STXBP5L: variants seen among roughly 807,000 people sequenced by gnomAD.
STXBP5L encodes the protein syntaxin-binding protein 5-like.
A neutral mutation model predicts 144.5 loss-of-function variants in STXBP5L; 65 were observed. The ratio of observed to expected loss-of-function variants is 0.45; its 90% CI spans 0.37 to 0.55. The LOEUF is 0.55. STXBP5L is among the 20% of genes least tolerant of loss of function. STXBP5L has a pLI of 0.00. For synonymous variants in STXBP5L, 505 were observed against 469.6 expected, an observed-to-expected ratio of 1.08 and a Z score of -0.97; for missense variants, 1,298 against 1,405.5, an observed-to-expected ratio of 0.92 and a Z score of 1.22.
intron 5 of STXBP5L, among the ~76,000 whole-genome samples, chr3:121,078,596 G>T (rs2042123088): frequency 6.6e-6 from 1 of 152,232 alleles, no homozygotes; most frequent in Admixed American, 6.5e-5. Context: ...GTGCTCTTTG[G>T]GGAGGCTTGG....
intron 18 of STXBP5L, among the ~76,000 whole-genome samples, chr3:121,263,565 G>A (rs1479314490): frequency 6.6e-6 from 1 of 152,110 alleles, no homozygotes; most frequent in Non-Finnish European, 1.5e-5. Flanking sequence ...GGGAAGCTAA[G>A]AACCTTGAGA....
chr3:121,104,387 G>GA (rs1490643173), intron 5 of STXBP5L, among the ~76,000 whole-genome samples: 7 of 151,936 alleles, frequency 4.6e-5, no homozygotes, highest in Non-Finnish European at 1.0e-4. Context: ...CACAGAACTA[G>GA]AAAAAACAAT....
chr3:120,974,758 T>G (rs1198215990), intron 3 of STXBP5L, among the ~76,000 whole-genome samples: 2 of 152,206 alleles, frequency 1.3e-5, no homozygotes, highest in African/African-American at 4.8e-5. Flanking sequence ...GCTTTCTACA[T>G]ATGGCTAGCC....
rs191658682 is a variant in STXBP5L at position 121,075,148 on chromosome 3, C to A, written c.470+29613C>A. Among the ~76,000 whole-genome samples the A allele has an allele frequency of 3.0e-4, 45 of 152,284 alleles. No homozygotes were observed. In the South Asian group the frequency reaches 7.5e-3, roughly 25 times the overall value. ...ATTAAATCCATATCTGACTTCTGAACCCCTTGACTGGTGGCAGGGGGTTCT... is the reference window on the plus strand; with the variant it reads ...ATTAAATCCATATCTGACTTCTGAAACCCTTGACTGGTGGCAGGGGGTTCT... On this transcript the variant is annotated intron_variant, in intron 5 of 26. Transcript: ENST00000471454.
intron 3 of STXBP5L, among the ~76,000 whole-genome samples, chr3:121,000,794 T>C (rs1023224191): frequency 6.6e-6 from 1 of 152,188 alleles, no homozygotes; most frequent in Non-Finnish European, 1.5e-5. Flanking sequence ...TTTTTCTTTT[T>C]ATATTCTTTG....
chr3:121,022,431 T>A (rs555200735), intron 3 of STXBP5L, among the ~76,000 whole-genome samples: 16 of 151,732 alleles, frequency 1.1e-4, no homozygotes, highest in Admixed American at 7.9e-4. Context: ...AATCCTAATA[T>A]CAAAACCAAG....
At chr3:121,266,828 C>A (rs1468057264) in intron 18 of STXBP5L, among the ~76,000 whole-genome samples, 1 of 152,122 alleles carries the variant, frequency 6.6e-6, no homozygotes, top group Admixed American at 6.6e-5. Context: ...TCCTATACAA[C>A]AACAACAGAC....
At chr3:121,042,640 T>C (rs1337477431) in intron 4 of STXBP5L, among the ~76,000 whole-genome samples, 3 of 152,148 alleles carry the variant, frequency 2.0e-5, no homozygotes, top group Non-Finnish European at 4.4e-5. Flanking sequence ...TTTATCTTCC[T>C]AAGAACTTAC....
intron 5 of STXBP5L, among the ~76,000 whole-genome samples, chr3:121,050,339 T>C (rs1415501751): frequency 6.6e-6 from 1 of 152,090 alleles, no homozygotes; most frequent in African/African-American, 2.4e-5. Context: ...TTATTTTAGT[T>C]TAAAATAAGT....
At chr3:121,031,044 C>G (rs1186110175) in intron 3 of STXBP5L, among the ~76,000 whole-genome samples, 2 of 152,078 alleles carry the variant, frequency 1.3e-5, no homozygotes, top group Non-Finnish European at 2.9e-5. Flanking sequence ...TCTTCTCCCA[C>G]TGTATCTTTA....
At chr3:121,117,233 TG>T in intron 6 of STXBP5L, among the ~76,000 whole-genome samples, 1 of 59,980 alleles carries the variant, frequency 1.7e-5, no homozygotes, top group Non-Finnish European at 4.0e-5. Context: ...AATATACACA[TG>T]ATTCAGCATT....
At chr3:120,988,235 G>C (rs1277514747) in intron 3 of STXBP5L, among the ~76,000 whole-genome samples, 1 of 150,532 alleles carries the variant, frequency 6.6e-6, no homozygotes, top group East Asian at 1.9e-4. Flanking sequence ...TCTGTCTTTT[G>C]TAAGGTTTTA....
At chr3:120,948,840 G>A (rs764712078) in intron 2 of STXBP5L, among the ~76,000 whole-genome samples, 9 of 151,602 alleles carry the variant, frequency 5.9e-5, no homozygotes, top group Non-Finnish European at 1.2e-4. Flanking sequence ...ATTTTTCTGC[G>A]ATTGGAAATT....
At chr3:121,074,107 G>A (rs1262885380) in intron 5 of STXBP5L, among the ~76,000 whole-genome samples, 10 of 152,154 alleles carry the variant, frequency 6.6e-5, no homozygotes, top group African/African-American at 2.2e-4. Flanking sequence ...GGTCTGTCTA[G>A]TGCTTCCTCA....
intron 3 of STXBP5L, among the ~76,000 whole-genome samples, chr3:120,968,638 T>C (rs1344072144): frequency 6.6e-6 from 1 of 152,150 alleles, no homozygotes; most frequent in African/African-American, 2.4e-5. Flanking sequence ...AGTTTTTTAG[T>C]GGTGATTTCT....
intron 5 of STXBP5L, among the ~76,000 whole-genome samples, chr3:121,093,584 T>C (rs1317185370): frequency 6.6e-6 from 1 of 152,254 alleles, no homozygotes; most frequent in Non-Finnish European, 1.5e-5. Context: ...TATTCGCTGA[T>C]GGTAGTTTAT....
At chr3:121,095,111 G>C (rs1417957572) in intron 5 of STXBP5L, among the ~76,000 whole-genome samples, 1 of 152,084 alleles carries the variant, frequency 6.6e-6, no homozygotes, top group East Asian at 1.9e-4. Context: ...GTTGAATATT[G>C]GCCCCCAGTG....
rs373866764 is a variant in STXBP5L at position 121,279,794 on chromosome 3, T to C, written c.1959-11T>C. On this transcript the variant is annotated splice_polypyrimidine_tract_variant and intron_variant, in intron 18 of 26. Transcript: ENST00000471454. The stretch of plus-strand genomic sequence containing the variant: ...GTGATACATTCTAGTTGTATTTTTT[T>C]TCTCTCTTAGAGTTGCATTTGGGAA... The C allele has an allele frequency of 1.9e-5, 31 of 1,610,588 alleles. No homozygotes were observed. The African/African-American group carries it at 3.9e-4, about 20-fold the overall frequency.
intron 14 of STXBP5L, among the ~76,000 whole-genome samples, chr3:121,250,386 TTATC>T (rs1379777802): frequency 2.0e-5 from 3 of 152,060 alleles, no homozygotes; most frequent in African/African-American, 7.2e-5. Flanking sequence ...AATATCAAAA[TTATC>T]TATCCTTTTA....
Sources: gnomAD v4.1 joint callset for allele counts (sites outside exome capture counted in the v4.1 genomes callset) on GRCh38, gnomAD v4.1.1 for gene constraint, MANE v1.5 for transcripts, NCBI Gene and HGNC (gene_info 2026-07-23, HGNC 2026-07-21) for gene names.